Variants in CHST6 observed in about 807,000 individuals in gnomAD.
The protein encoded by CHST6 is carbohydrate sulfotransferase 6.
For missense variants in CHST6, 698 were observed against 586.2 expected (o/e 1.19, Z -1.97); for synonymous variants, 309 against 276.4 (o/e 1.12, Z -1.17).
chr16:75,478,739 C>A lies in CHST6; in HGVS notation c.1090G>T (p.Glu364Ter). 1 of 1,613,550 alleles carries A rather than the reference C, an allele frequency of 6.2e-7. No individual in the cohort carries two copies. The highest frequency in any genetic ancestry group is 8.5e-7 in the Non-Finnish European group (1 of 1,180,026). ...AGGGCGAGGTTGCGCTGCTCGTCCT[C>A]AGAGTACACAGGCCGGTAGCCCAGC... ...QLLGYRPVYS[E>*]DEQRNLALDL... Residue 364 changes from glutamate (E) to a stop codon, truncating the protein, a stop_gained, in exon 3 of 3, where the codon GAG becomes TAG. Coordinates refer to ENST00000332272, the MANE Select transcript of CHST6 (RefSeq NM_021615.5). LOFTEE classifies it low-confidence loss of function (END_TRUNC).
In CHST6 at chr16:75,474,365, C is replaced by T. The variant is rs978973119; in HGVS notation, c.*4276G>A. On this transcript the variant is annotated 3_prime_UTR_variant, in exon 3 of 3. Coordinates refer to ENST00000332272, the MANE Select transcript of CHST6 (RefSeq NM_021615.5). ...TCATGGTTCAATGTAGCCTCAACCT[C>T]CCAGGGTCAAGCAGTCCTCCCAACT... The T allele has an allele frequency of 3.8e-5, 14 of 369,844 alleles. No individual in the cohort carries two copies. The highest frequency in any genetic ancestry group is 2.9e-4 in the African/African-American group (14 of 48,240). 22.9% of individuals were successfully genotyped at this position (369,844 alleles called of 1,614,324 possible).
rs1481615656 is a variant in CHST6, at chr16:75,474,840, G to C, written c.*3801C>G. The C allele has an allele frequency of 2.5e-6, 1 of 393,912 alleles. No individual in the cohort carries two copies. Among genetic ancestry groups the C allele is most frequent in the African/African-American group, 2.1e-5 (1 of 48,504 alleles). The allele number at this position is 393,912 out of a possible 1,614,324, so 24.4% of individuals were successfully genotyped here. On this transcript the variant is annotated 3_prime_UTR_variant, in exon 3 of 3. Coordinates refer to ENST00000332272, the MANE Select transcript of CHST6 (RefSeq NM_021615.5). Reference sequence around the variant, plus strand: ...AGACAGACTCTCGCTTTGTTGCCCAGGCTGGAGTACAGTGGTGCGATCTCA... The same window carrying C: ...AGACAGACTCTCGCTTTGTTGCCCACGCTGGAGTACAGTGGTGCGATCTCA...
intron 1 of CHST6, among the ~76,000 whole-genome samples, chr16:75,484,420 T>C (rs1370742336): frequency 6.6e-6 from 1 of 152,206 alleles, no homozygotes; most frequent in African/African-American, 2.4e-5. Flanking sequence ...CTGTGGTGGG[T>C]GTCGCAGTCC....
chr16:75,480,820 C>T (rs982933944), intron 2 of CHST6, among the ~76,000 whole-genome samples: 1 of 150,572 alleles, frequency 6.6e-6, no homozygotes, highest in Non-Finnish European at 1.5e-5. Flanking sequence ...TCCCCAGCTA[C>T]TCAGGAGGCT....
chr16:75,489,110 T>A (rs1349954496), intron 1 of CHST6, among the ~76,000 whole-genome samples: 1 of 151,136 alleles, frequency 6.6e-6, no homozygotes, highest in Non-Finnish European at 1.5e-5. Context: ...GTAGAAAAAT[T>A]AAGGGAGGCA....
At chr16:75,480,986 C>A (rs1396346860) in intron 2 of CHST6, among the ~76,000 whole-genome samples, 1 of 149,654 alleles carries the variant, frequency 6.7e-6, no homozygotes, top group Non-Finnish European at 1.5e-5. Context: ...GGATGCGAGC[C>A]TGGGATTCAA....
intron 1 of CHST6, among the ~76,000 whole-genome samples, chr16:75,486,079 G>C (rs190918529): frequency 6.6e-6 from 1 of 152,154 alleles, no homozygotes; most frequent in South Asian, 2.1e-4. Context: ...CATCAAACAA[G>C]CTCCATCTCT....
At chr16:75,490,613 C>G (rs1219566878) in intron 1 of CHST6, 1 of 151,982 alleles carries the variant, frequency 6.6e-6, no homozygotes, top group African/African-American at 2.4e-5. Flanking sequence ...TATATAATTA[C>G]AAGTGTTGGT....
intron 1 of CHST6, among the ~76,000 whole-genome samples, chr16:75,491,501 C>G (rs1247361309): frequency 6.6e-6 from 1 of 151,858 alleles, no homozygotes; most frequent in Non-Finnish European, 1.5e-5. Context: ...TCCTGAGTAG[C>G]TGGGACTACA....
intron 1 of CHST6, among the ~76,000 whole-genome samples, chr16:75,482,545 G>T (rs2080153396): frequency 6.6e-6 from 1 of 152,116 alleles, no homozygotes; most frequent in African/African-American, 2.4e-5. Context: ...TCTCAAAACA[G>T]CAACAACAAC....
chr16:75,478,281 G>A lies in CHST6; in HGVS notation c.*360C>T. 1 of 374,748 alleles carries A rather than the reference G, an allele frequency of 2.7e-6. No homozygotes were observed. The highest frequency in any genetic ancestry group is 5.1e-6 in the Non-Finnish European group (1 of 197,294). 23.2% of individuals were successfully genotyped at this position (374,748 alleles called of 1,614,324 possible). ...CAGTGCCTCTCCACTCCCAGCCAGT[G>A]CCAGGGCACCCCCTCAGCTGCTGCA... On this transcript the variant is annotated 3_prime_UTR_variant, in exon 3 of 3. Coordinates refer to ENST00000332272, the MANE Select transcript of CHST6 (RefSeq NM_021615.5).
In CHST6 at chr16:75,479,461, C is replaced by T. The variant is rs1483285258; in HGVS notation, c.368G>A (p.Trp123Ter). 6.2e-7 allele frequency: 1 copy of T among 1,612,806 alleles called. No individual in the cohort carries two copies. The highest frequency in any genetic ancestry group is 1.3e-5 in the African/African-American group (1 of 74,924). Reference sequence around the variant, plus strand: ...CGAGCACAGTGCACGGCTCACGGCCCACTGGAAGAGGTCGGACAGGTTGCG... The same window carrying T: ...CGAGCACAGTGCACGGCTCACGGCCTACTGGAAGAGGTCGGACAGGTTGCG... ...WRRNLSDLFQ[W>*]AVSRALCSPP... Residue 123 changes from tryptophan (W) to a stop codon, truncating the protein, a stop_gained, in exon 3 of 3, where the codon TGG (tryptophan) becomes TAG (stop). Transcript: ENST00000332272. LOFTEE classifies it low-confidence loss of function (END_TRUNC).
intron 1 of CHST6, among the ~76,000 whole-genome samples, chr16:75,482,562 G>A (rs143642701): frequency 3.3e-5 from 5 of 152,222 alleles, no homozygotes; most frequent in South Asian, 2.1e-4. Context: ...CAACAAAAAT[G>A]TCACACATGT....
rs58903978 is a variant in CHST6 at position 75,490,173 on chromosome 16, C to CAAA, written c.-92+4764_-92+4766dup. On this transcript the variant is annotated intron_variant, in intron 1 of 2. Coordinates refer to ENST00000332272, the MANE Select transcript of CHST6 (RefSeq NM_021615.5). ...GGGGAACAAGAGCGAGACTTTGCCT[C>CAAA]AAAAAAAAAAAAAAAAAAAAAAAGG... Among the ~76,000 whole-genome samples the CAAA allele has an allele frequency of 7.1e-3, 288 of 40,524 alleles. 7 individuals are homozygous for CAAA. The highest frequency in any genetic ancestry group is 0.037 in the East Asian group (63 of 1,692). The allele number at this position is 40,524 out of a possible 152,430, so 26.6% of individuals were successfully genotyped here. A position where few individuals can be genotyped will look rare whatever the true frequency, so the allele number is the denominator to read the frequency against.
chr16:75,487,220 T>G (rs2080207509), intron 1 of CHST6, among the ~76,000 whole-genome samples: 2 of 152,180 alleles, frequency 1.3e-5, no homozygotes. Flanking sequence ...CTGAGAGACC[T>G]AGGAAGGAGC....
rs1373630602 is a variant in CHST6 at position 75,474,986 on chromosome 16, G to C, written c.*3655C>G. 3.7e-6 allele frequency: 1 copy of C among 269,736 alleles called. No homozygotes were observed. The highest frequency in any genetic ancestry group is 5.3e-5 in the Admixed American group (1 of 18,744). The allele number at this position is 269,736 out of a possible 1,614,324, so 16.7% of individuals were successfully genotyped here. A position where few individuals can be genotyped will look rare whatever the true frequency, so the allele number is the denominator to read the frequency against. On this transcript the variant is annotated 3_prime_UTR_variant, in exon 3 of 3. Coordinates refer to ENST00000332272, the MANE Select transcript of CHST6 (RefSeq NM_021615.5). ...AATTTTTGTATTTTAACTAGAAATGGTGTTTTACCTTGTTGGCCAGGCTGG... is the reference window on the plus strand; with the variant it reads ...AATTTTTGTATTTTAACTAGAAATGCTGTTTTACCTTGTTGGCCAGGCTGG...
At position 75,474,335 on chromosome 16, in the gene CHST6, C is replaced by G. The variant is rs570704984; in HGVS notation, c.*4306G>C. ...TGTCACTCAGGCTGGAGTGCACTGG[C>G]ATGATCATGGTTCAATGTAGCCTCA... On this transcript the variant is annotated 3_prime_UTR_variant, in exon 3 of 3. Transcript: ENST00000332272. 1 of 353,014 alleles carries G rather than the reference C, an allele frequency of 2.8e-6. No individual in the cohort carries two copies. The highest frequency in any genetic ancestry group is 4.7e-5 in the Admixed American group (1 of 21,338). The allele number at this position is 353,014 out of a possible 1,614,324, so 21.9% of individuals were successfully genotyped here.
intron 1 of CHST6, among the ~76,000 whole-genome samples, chr16:75,489,291 C>T (rs2080232567): frequency 1.4e-5 from 2 of 148,078 alleles, no homozygotes; most frequent in African/African-American, 2.5e-5. Flanking sequence ...CCCAGCTACT[C>T]GTGAAGATGA....
Position 75,479,130 on chromosome 16 carries a change from C to T in CHST6, c.699G>A (p.Val233=), listed in dbSNP as rs747350803. Residue 233 remains valine (V), a synonymous_variant, in exon 3 of 3, where the codon GTG becomes GTA. Coordinates refer to ENST00000332272, the MANE Select transcript of CHST6 (RefSeq NM_021615.5). ...CCACGCGCAGGCCGGGGTCGGCCTC[C>T]ACCCACGTGCCGTTGGTGCCCAGCA... ...GIVLGTNGTW[V]EADPGLRVVR... The T allele has an allele frequency of 5.0e-6, 8 of 1,606,222 alleles. No individual in the cohort carries two copies. The South Asian group carries it at 7.7e-5, about 15-fold the overall frequency.
Sources: allele counts gnomAD v4.1 joint callset (sites outside exome capture counted in the v4.1 genomes callset), GRCh38; gene constraint gnomAD v4.1.1; transcripts MANE v1.5; gene names NCBI Gene and HGNC (gene_info 2026-07-23, HGNC 2026-07-21).